The following RAC2 variants were observed in gnomAD, a reference collection of about 807,000 sequenced individuals.
The protein encoded by RAC2 is ras-related C3 botulinum toxin substrate 2.
RAC2 carries 1 observed loss-of-function variant against 24.0 expected under a neutral mutation model. The ratio of observed to expected loss-of-function variants is 0.04; its 90% CI spans 0.01 to 0.20. The LOEUF (loss-of-function observed/expected upper bound fraction) is 0.20, where lower values mean the gene tolerates loss of function less well. Among genes scored for constraint, RAC2 ranks in the 10% least tolerant of loss-of-function variants. The pLI, the probability that RAC2 is intolerant of heterozygous loss-of-function variation, is 1.00. For missense variants in RAC2, 130 were observed against 259.1 expected, an observed-to-expected ratio of 0.50 and a Z score of 3.42; for synonymous variants, 114 against 106.8, an observed-to-expected ratio of 1.07 and a Z score of -0.41.
intron 3 of RAC2, 63 bp downstream of exon 3, chr22:37,232,738 T>A (rs1038411835): frequency 6.3e-6 from 9 of 1,420,008 alleles, no homozygotes; most frequent in East Asian, 2.3e-5. Flanking sequence ...TGGAAGGGCA[T>A]CCCAAGCAGA....
intron 6 of RAC2, 76 bp from the exon 7 acceptor site, chr22:37,226,115 C>T (rs757443921): frequency 6.2e-6 from 1 of 161,542 alleles, no homozygotes; most frequent in African/African-American, 2.4e-5. Flanking sequence ...TGGCTCACAG[C>T]TCATTCCCAC....
At chr22:37,232,434 C>T in intron 3 of RAC2, 2 of 429,296 alleles carry the variant, frequency 4.7e-6, no homozygotes, top group Non-Finnish European at 8.7e-6. Context: ...GAGGACCCAG[C>T]AGCCACCTGC....
intron 2 of RAC2, among the ~76,000 whole-genome samples, chr22:37,233,910 G>A (rs142409617): frequency 2.9e-4 from 44 of 152,214 alleles, no homozygotes; most frequent in African/African-American, 8.9e-4. Flanking sequence ...GGCTGCTTCC[G>A]GGGCCTTTCA....
intron 2 of RAC2, among the ~76,000 whole-genome samples, chr22:37,233,574 C>T (rs1411645529): frequency 1.3e-5 from 2 of 152,250 alleles, no homozygotes; most frequent in Non-Finnish European, 2.9e-5. Context: ...TGAGCCACTG[C>T]GCCCAGCCGC....
intron 2 of RAC2, among the ~76,000 whole-genome samples, chr22:37,235,578 G>A (rs1029262609): frequency 3.9e-5 from 6 of 152,194 alleles, no homozygotes; most frequent in Non-Finnish European, 7.3e-5. Context: ...GCCAGCCCGC[G>A]GTCTGGTGCA....
At chr22:37,228,546 G>A (rs893373094) in intron 5 of RAC2, among the ~76,000 whole-genome samples, 5 of 152,222 alleles carry the variant, frequency 3.3e-5, no homozygotes, top group South Asian at 2.1e-4. Flanking sequence ...TGGGCCCTCC[G>A]CCAAAGCCCG....
rs201536161 is a variant in RAC2 at position 37,226,691 on chromosome 22, G to A, written c.561C>T (p.Arg187=). 3.5e-5 allele frequency: 56 copies of A among 1,612,978 alleles called. No homozygotes were observed. The East Asian group carries it at 5.3e-4, about 15-fold the overall frequency. ...CTTACCCCTAGAGGAGGCTGCAGGC[G>A]CGCTTCTGCTGCCGCGTGGGCTGAG... ...LCPQPTRQQK[R]ACSLL The change falls in exon 6 of 7, where the codon CGC becomes CGT. Residue 187 remains arginine (R), a synonymous_variant. Coordinates refer to ENST00000249071, the MANE Select transcript of RAC2 (RefSeq NM_002872.5).
chr22:37,226,748 C>T lies in RAC2; in HGVS notation c.504G>A (p.Val168=). Residue 168 remains valine (V), a synonymous_variant, in exon 6 of 7, where the codon GTG becomes GTA. Transcript: ENST00000249071. ...GCACGGCCCGGATGGCCTCGTCGAACACGGTTTTCAGGCCTCTCTGGGTGA... is the reference window on the plus strand; with the variant it reads ...GCACGGCCCGGATGGCCTCGTCGAATACGGTTTTCAGGCCTCTCTGGGTGA... ...SALTQRGLKT[V]FDEAIRAVLC... 1 of 1,613,232 alleles carries T rather than the reference C, an allele frequency of 6.2e-7. No individual in the cohort carries two copies. The highest frequency in any genetic ancestry group is 2.2e-5 in the East Asian group (1 of 44,876).
At chr22:37,242,999 T>C (rs1345777798) in intron 1 of RAC2, among the ~76,000 whole-genome samples, 2 of 149,728 alleles carry the variant, frequency 1.3e-5, no homozygotes. Flanking sequence ...ACCTGTCCTT[T>C]TATTTTGTGT....
At chr22:37,233,525 C>T (rs933087283) in intron 2 of RAC2, among the ~76,000 whole-genome samples, 4 of 152,208 alleles carry the variant, frequency 2.6e-5, no homozygotes, top group African/African-American at 7.2e-5. Flanking sequence ...TTAAGTGATC[C>T]GCCCGCCTCG....
intron 5 of RAC2, among the ~76,000 whole-genome samples, chr22:37,229,081 C>A (rs1926976551): frequency 6.6e-6 from 1 of 152,198 alleles, no homozygotes; most frequent in Non-Finnish European, 1.5e-5. Flanking sequence ...CACCAACTGC[C>A]TTTTCCCTGG....
rs1286584041 is a variant in RAC2, at chr22:37,231,937, C to T, written c.283G>A (p.Ala95Thr). ...GCCCACCCTGTCCAGCTCACCTTGG[C>T]GCGGACGTTCTCATAAGAGGCTGGG... ...VSPASYENVRAKWFPEVRHHC... is the reference protein window; with the variant it reads ...VSPASYENVRTKWFPEVRHHC... The change falls in exon 4 of 7, where the codon GCC (alanine) becomes ACC (threonine). Residue 95 changes from alanine (A) to threonine (T), a missense_variant. Ala to Thr is a moderately conservative substitution (Grantham distance 58, BLOSUM62 0). Coordinates refer to ENST00000249071, the MANE Select transcript of RAC2 (RefSeq NM_002872.5). The surrounding 1 kb of genome is among the most constrained non-coding windows in gnomAD (Gnocchi z 5.5). The T allele has an allele frequency of 4.5e-6, 7 of 1,551,850 alleles. No homozygotes were observed. The highest frequency in any genetic ancestry group is 2.0e-5 in the Admixed American group (1 of 51,064).
intron 2 of RAC2, among the ~76,000 whole-genome samples, chr22:37,236,164 T>C (rs564296040): frequency 7.2e-4 from 110 of 152,268 alleles, no homozygotes; most frequent in Non-Finnish European, 1.4e-3. Flanking sequence ...CTTGGAGCCA[T>C]TAGGAGAATC....
At position 37,231,356 on chromosome 22, in the gene RAC2, G is replaced by GT; in HGVS notation, c.322dup (p.Thr108AsnfsTer43). 1 of 1,614,188 alleles carries GT rather than the reference G, an allele frequency of 6.2e-7. No individual in the cohort carries two copies. The highest frequency in any genetic ancestry group is 8.5e-7 in the Non-Finnish European group (1 of 1,180,040). On this transcript the variant is annotated frameshift_variant, in exon 5 of 7. Transcript: ENST00000249071. LOFTEE classifies it high-confidence loss of function. This position sits in a 1 kb window ranked among gnomAD's most constrained non-coding sequence, Gnocchi z 5.5. ...CTTGGTGCCCACCAGGATGATGGGT[G>GT]TGCTGGGGCAGTGGTGCCGCACTTC...
chr22:37,241,538 G>C (rs1569092961), intron 2 of RAC2, 49 bp downstream of exon 2: 1 of 1,561,908 alleles, frequency 6.4e-7, no homozygotes, highest in Admixed American at 1.7e-5. Context: ...TCGACTTGGT[G>C]ACGGTCTCTC....
chr22:37,232,206 C>T (rs925750617), intron 3 of RAC2, among the ~76,000 whole-genome samples: 9 of 152,186 alleles, frequency 5.9e-5, no homozygotes, highest in African/African-American at 1.4e-4. Context: ...AGGGCCTCTG[C>T]GAAGTGGTTA....
At chr22:37,229,552 C>T (rs1926992328) in intron 5 of RAC2, among the ~76,000 whole-genome samples, 1 of 152,224 alleles carries the variant, frequency 6.6e-6, no homozygotes, top group Non-Finnish European at 1.5e-5. Context: ...AGGGCTGCCC[C>T]CAAAACTTGT....
At chr22:37,240,627 G>C (rs1927358639) in intron 2 of RAC2, among the ~76,000 whole-genome samples, 1 of 152,328 alleles carries the variant, frequency 6.6e-6, no homozygotes, top group African/African-American at 2.4e-5. Flanking sequence ...AGAAGACACT[G>C]TGCTGAGATA....
At position 37,232,965 on chromosome 22, in the gene RAC2, G is replaced by A. The variant is rs758867543; in HGVS notation, c.108-47C>T. 2.8e-6 allele frequency: 4 copies of A among 1,415,924 alleles called. No individual in the cohort carries two copies. The East Asian group carries it at 9.1e-5, about 32-fold the overall frequency. 87.7% of individuals were successfully genotyped at this position (1,415,924 alleles called of 1,614,324 possible). On this transcript the variant is annotated intron_variant, in intron 2 of 6. Transcript: ENST00000249071. Reference sequence around the variant, plus strand: ...GAGGTAAGGTCAATCTCAAACCCCAGAACCTGGGAATTGTGGTCCAGCTCC... The same window carrying A: ...GAGGTAAGGTCAATCTCAAACCCCAAAACCTGGGAATTGTGGTCCAGCTCC...
Sources: gnomAD v4.1 joint callset for allele counts (sites outside exome capture counted in the v4.1 genomes callset) on GRCh38, gnomAD v4.1.1 for gene constraint, Gnocchi (gnomAD v3.1) non-coding constraint, MANE v1.5 for transcripts, NCBI Gene and HGNC (gene_info 2026-07-23, HGNC 2026-07-21) for gene names.